Variants in HDAC5 observed in about 807,000 individuals in gnomAD.
The protein encoded by HDAC5 is antigen NY-CO-9.
A neutral mutation model predicts 133.3 loss-of-function variants in HDAC5; 25 were observed. The ratio of observed to expected loss-of-function variants is 0.19; its 90% CI spans 0.14 to 0.26. The LOEUF (loss-of-function observed/expected upper bound fraction) is 0.26. HDAC5 is among the 10% of genes least tolerant of loss of function. The pLI is 1.00. For missense variants in HDAC5, 1,041 were observed against 1,460.5 expected (o/e 0.71, Z 4.68); for synonymous variants, 589 against 610.8 (o/e 0.96, Z 0.53).
chr17:44,096,277 G>A (rs952652350), intron 3 of HDAC5, among the ~76,000 whole-genome samples: 13 of 151,904 alleles, frequency 8.6e-5, no homozygotes, highest in Non-Finnish European at 4.4e-5. Flanking sequence ...TACAGCCCAG[G>A]GAGGTCACGA....
chr17:44,102,702 G>A (rs2051693152), intron 3 of HDAC5, among the ~76,000 whole-genome samples: 1 of 133,646 alleles, frequency 7.5e-6, no homozygotes. Context: ...TCTCTCTGTT[G>A]CCCAGCTGGA....
Position 44,091,263 on chromosome 17 carries a change from C to G in HDAC5, c.1387+7G>C. 2 of 1,605,860 alleles carry G rather than the reference C, an allele frequency of 1.2e-6. No homozygotes were observed. The highest frequency in any genetic ancestry group is 1.7e-6 in the Non-Finnish European group (2 of 1,176,166). ...CCCCTCCCTTGCACAGCTACCTGTC[C>G]ACTCACCAGCAATGAGGGTGCTCTG... is the stretch of plus-strand genomic sequence containing the variant. On this transcript the variant is annotated splice_region_variant and intron_variant, in intron 11 of 26. Transcript: ENST00000682912.
chr17:44,079,663 A>G (rs1326603438), intron 23 of HDAC5, among the ~76,000 whole-genome samples: 1 of 151,170 alleles, frequency 6.6e-6, no homozygotes, highest in East Asian at 1.9e-4. Context: ...AAAAAAAAGA[A>G]AGAAAAGGAG....
intron 3 of HDAC5, among the ~76,000 whole-genome samples, chr17:44,108,803 G>C (rs1025939729): frequency 6.7e-6 from 1 of 149,830 alleles, no homozygotes; most frequent in Admixed American, 6.6e-5. Context: ...CGAGCTCCAG[G>C]CCTATATCTG....
chr17:44,121,664 T>A (rs1035540250), intron 1 of HDAC5, among the ~76,000 whole-genome samples: 3 of 151,142 alleles, frequency 2.0e-5, no homozygotes, highest in Non-Finnish European at 4.4e-5. Flanking sequence ...CAGGCCCCAT[T>A]TCTAAACACA....
intron 1 of HDAC5, among the ~76,000 whole-genome samples, chr17:44,119,468 C>T (rs2052849413): frequency 6.6e-6 from 1 of 152,256 alleles, no homozygotes; most frequent in Non-Finnish European, 1.5e-5. Flanking sequence ...CCCACCTACT[C>T]TCTCTGTGGG....
Position 44,082,571 on chromosome 17 carries a change from A to T in HDAC5, c.2607+14T>A. ...CTACCCGCCCCTGCCCAGCCCCACCAGCTCACTGCCTACCCAGTCCACGAT... is the reference window on the plus strand; with the variant it reads ...CTACCCGCCCCTGCCCAGCCCCACCTGCTCACTGCCTACCCAGTCCACGAT... On this transcript the variant is annotated intron_variant, in intron 20 of 26. Transcript: ENST00000682912. 1 of 1,603,790 alleles carries T rather than the reference A, an allele frequency of 6.2e-7. No individual in the cohort carries two copies. The highest frequency in any genetic ancestry group is 8.5e-7 in the Non-Finnish European group (1 of 1,170,666).
intron 3 of HDAC5, among the ~76,000 whole-genome samples, chr17:44,099,045 G>C (rs2051431220): frequency 6.6e-6 from 1 of 152,210 alleles, no homozygotes; most frequent in Non-Finnish European, 1.5e-5. Context: ...GAACCCGGGA[G>C]GCAGAGGTTG....
chr17:44,092,102 G>A (rs751174520), intron 9 of HDAC5, 70 bp downstream of exon 9: 9 of 1,346,312 alleles, frequency 6.7e-6, no homozygotes, highest in Non-Finnish European at 9.4e-6. Context: ...ACTGGAAGGA[G>A]CTGCACTCTT....
At chr17:44,096,393 T>G (rs1431459511) in intron 3 of HDAC5, among the ~76,000 whole-genome samples, 2 of 149,024 alleles carry the variant, frequency 1.3e-5, no homozygotes, top group Admixed American at 6.7e-5. Context: ...CTTCATGAGC[T>G]GGCCTCTCTC....
At chr17:44,122,875 T>C (rs536890671) in intron 1 of HDAC5, among the ~76,000 whole-genome samples, 38 of 152,312 alleles carry the variant, frequency 2.5e-4, no homozygotes, top group African/African-American at 8.9e-4. Context: ...TCTCGCATCC[T>C]GGCTCCAAGG....
In HDAC5 at chr17:44,092,820, G is replaced by T. The variant is rs773588979; in HGVS notation, c.642-14C>A. 3 of 855,448 alleles carry T rather than the reference G, an allele frequency of 3.5e-6. No individual in the cohort carries two copies. Among genetic ancestry groups the T allele is most frequent in the East Asian group, 2.6e-5 (1 of 38,580 alleles). The allele number at this position is 855,448 out of a possible 1,614,324, so 53.0% of individuals were successfully genotyped here. A position where few individuals can be genotyped will look rare whatever the true frequency, so the allele number is the denominator to read the frequency against. ...TGGTGGGCTCCCCTGGGGTGGGGGG[G>T]GGGTGGGGATGGAAGCAGATCTAGG... On this transcript the variant is annotated splice_polypyrimidine_tract_variant and intron_variant, in intron 6 of 26. Transcript: ENST00000682912.
chr17:44,122,586 C>T (rs1353983445), intron 1 of HDAC5, among the ~76,000 whole-genome samples: 1 of 152,130 alleles, frequency 6.6e-6, no homozygotes, highest in Non-Finnish European at 1.5e-5. Flanking sequence ...GGGTATCAGC[C>T]AGGGGTATCA....
Position 44,093,742 on chromosome 17 carries a change from G to A in HDAC5, c.187C>T (p.Leu63=), listed in dbSNP as rs1044096768. The A allele has an allele frequency of 3.6e-5, 57 of 1,603,870 alleles. No individual in the cohort carries two copies. The highest frequency in any genetic ancestry group is 4.9e-5 in the Non-Finnish European group (57 of 1,175,250). The change falls in exon 4 of 27, where the codon CTG becomes TTG. Residue 63 remains leucine, a synonymous_variant. Transcript: ENST00000682912. ...AGTGTGGGGTCCACAGAGCCCACCA[G>A]AGCCCCCCGTAGCTCCACAGGGCTG... is the stretch of plus-strand genomic sequence containing the variant. The part of the protein sequence containing the change: ...SPSPVELRGA[L]VGSVDPTLRE...
chr17:44,100,464 G>A (rs894988607), intron 3 of HDAC5, among the ~76,000 whole-genome samples: 3 of 151,736 alleles, frequency 2.0e-5, no homozygotes. Context: ...GCCAGGCACA[G>A]TGGTTCATGC....
chr17:44,105,458 C>G (rs1325141066), intron 3 of HDAC5, among the ~76,000 whole-genome samples: 1 of 152,212 alleles, frequency 6.6e-6, no homozygotes, highest in Non-Finnish European at 1.5e-5. Flanking sequence ...TACAAAGCTA[C>G]AGGCAAGTAA....
intron 3 of HDAC5, among the ~76,000 whole-genome samples, chr17:44,097,022 G>C (rs228748): frequency 6.6e-6 from 1 of 152,136 alleles, no homozygotes; most frequent in Admixed American, 6.5e-5. Flanking sequence ...ACACCCAGCC[G>C]AACAATTTTT....
intron 3 of HDAC5, among the ~76,000 whole-genome samples, chr17:44,097,040 A>G (rs1042761099): frequency 2.0e-5 from 3 of 152,232 alleles, no homozygotes; most frequent in African/African-American, 7.2e-5. Flanking sequence ...TTTAAAGAGA[A>G]GAGAGGGAGG....
At chr17:44,111,819 G>A (rs551771833) in intron 2 of HDAC5, among the ~76,000 whole-genome samples, 7 of 152,264 alleles carry the variant, frequency 4.6e-5, no homozygotes, top group African/African-American at 7.2e-5. Flanking sequence ...CTTCTTTCTA[G>A]GGTGTAGGGA....
Sources: allele counts gnomAD v4.1 joint callset (sites outside exome capture counted in the v4.1 genomes callset), GRCh38; gene constraint gnomAD v4.1.1; transcripts MANE v1.5; gene names NCBI Gene and HGNC (gene_info 2026-07-23, HGNC 2026-07-21).